Variants in TBC1D31 observed in about 807,000 individuals in gnomAD.
TBC1D31 encodes the protein TBC1 domain family member 31.
A neutral mutation model predicts 132.9 loss-of-function variants in TBC1D31; 99 were observed. The observed-to-expected ratio is 0.74, with a 90% CI of 0.63 to 0.88. The LOEUF is 0.88. Among genes scored for constraint, TBC1D31 ranks in the 40% least tolerant of loss-of-function variants. The pLI is 0.00. For missense variants in TBC1D31, 1,134 were observed against 1,256.6 expected, an observed-to-expected ratio of 0.90 and a Z score of 1.48; for synonymous variants, 385 against 419.4, an observed-to-expected ratio of 0.92 and a Z score of 1.00.
At chr8:123,142,151 G>A in intron 18 of TBC1D31, 111 bp from the exon 19 acceptor site, 2 of 697,916 alleles carry the variant, frequency 2.9e-6, no homozygotes, top group Non-Finnish European at 4.4e-6. Context: ...CTAATATGCA[G>A]CCAGAGTTGT....
intron 20 of TBC1D31, 124 bp from the exon 21 acceptor site, chr8:123,149,912 A>C: frequency 1.7e-6 from 1 of 601,260 alleles, no homozygotes; most frequent in Non-Finnish European, 3.0e-6. Flanking sequence ...ATTCTTCTTA[A>C]AATAGAAAAG....
chr8:123,108,235 C>T (rs1818123991), intron 8 of TBC1D31, among the ~76,000 whole-genome samples: 1 of 152,082 alleles, frequency 6.6e-6, no homozygotes, highest in Non-Finnish European at 1.5e-5. Flanking sequence ...CTCTGATTTT[C>T]CCATTTTTTC....
intron 4 of TBC1D31, 34 bp from the exon 5 acceptor site, chr8:123,093,557 T>A: frequency 6.7e-7 from 1 of 1,502,358 alleles, no homozygotes; most frequent in Non-Finnish European, 9.1e-7. Flanking sequence ...ATGTGAACCT[T>A]ATGTGAAAAC....
chr8:123,093,391 T>C (rs1455114692), intron 4 of TBC1D31, among the ~76,000 whole-genome samples, 200 bp from the exon 5 acceptor site: 1 of 151,350 alleles, frequency 6.6e-6, no homozygotes, highest in Non-Finnish European at 1.5e-5. Context: ...TACCTAGTTT[T>C]CGTTTGAAGG....
At chr8:123,124,312 A>C (rs1563730293) in intron 11 of TBC1D31, among the ~76,000 whole-genome samples, 1 of 152,156 alleles carries the variant, frequency 6.6e-6, no homozygotes, top group South Asian at 2.1e-4. Context: ...CTCTTTTATG[A>C]CCAGACATAA....
chr8:123,115,561 A>T (rs1313491489), intron 10 of TBC1D31, among the ~76,000 whole-genome samples: 2 of 152,202 alleles, frequency 1.3e-5, no homozygotes, highest in African/African-American at 4.8e-5. Flanking sequence ...ATTTATCCTT[A>T]GAGTTTGGTA....
In TBC1D31 at chr8:123,123,938, G is replaced by A. The variant is rs532495672; in HGVS notation, c.1571-2118G>A. On this transcript the variant is annotated intron_variant, in intron 11 of 21. Transcript: ENST00000287380. ...TATAAATTGGCATGGAAATTTAAAA[G>A]CAAGTTTTTGTTAATCCACAGCACA... 4.6e-5 allele frequency among the ~76,000 whole-genome samples: 7 copies of A among 152,144 alleles called. No homozygotes were observed. The East Asian group carries it at 1.4e-3, about 29-fold the overall frequency.
At chr8:123,138,370 A>G (rs1357852841) in intron 17 of TBC1D31, among the ~76,000 whole-genome samples, 1 of 136,016 alleles carries the variant, frequency 7.4e-6, no homozygotes, top group African/African-American at 2.9e-5. Flanking sequence ...ATTGAAAGAT[A>G]TTTTTATTTT....
At chr8:123,121,630 C>T (rs901600971) in intron 11 of TBC1D31, among the ~76,000 whole-genome samples, 7 of 152,186 alleles carry the variant, frequency 4.6e-5, no homozygotes, top group Non-Finnish European at 1.0e-4. Context: ...CAGAGGCCCT[C>T]ACCTCATCTG....
chr8:123,151,398 T>C (rs1822760313), intron 21 of TBC1D31, among the ~76,000 whole-genome samples: 1 of 152,218 alleles, frequency 6.6e-6, no homozygotes, highest in African/African-American at 2.4e-5. Context: ...AAGCATTTGA[T>C]TTACTTATTT....
chr8:123,163,546 G>T, the TBC1D31 span, among the ~76,000 whole-genome samples: 1 of 151,282 alleles, frequency 6.6e-6, no homozygotes, highest in African/African-American at 2.4e-5. Context: ...TGTATTTTTT[G>T]CAGAGACAGA....
At chr8:123,093,507 A>T (rs1586591480) in intron 4 of TBC1D31, 84 bp from the exon 5 acceptor site, 1 of 918,118 alleles carries the variant, frequency 1.1e-6, no homozygotes, top group East Asian at 2.7e-5. Flanking sequence ...TTTAATAAAG[A>T]AAAATAGACT....
At chr8:123,105,505 G>T in intron 8 of TBC1D31, 41 bp downstream of exon 8, 2 of 1,535,614 alleles carry the variant, frequency 1.3e-6, no homozygotes, top group Non-Finnish European at 1.8e-6. Context: ...TGATTCTGCT[G>T]TAGACAAGTC....
At chr8:123,139,984 C>T (rs1165827560) in intron 17 of TBC1D31, among the ~76,000 whole-genome samples, 1 of 152,200 alleles carries the variant, frequency 6.6e-6, no homozygotes, top group Non-Finnish European at 1.5e-5. Context: ...GACAGTTCTC[C>T]AGCAATGGTG....
chr8:123,151,778 T>G (rs184676359), intron 21 of TBC1D31, 28 bp from the exon 22 acceptor site: 5 of 1,543,576 alleles, frequency 3.2e-6, no homozygotes, highest in East Asian at 2.4e-5. Context: ...AAACTCAGCT[T>G]TTCTAAATTT....
rs1374910723 is a variant in TBC1D31, at chr8:123,150,085, C to T, written c.3024C>T (p.Thr1008=). ...NEQDSSCLPR[T]SQLNDSSEMD... ...AGGACTCAAGCTGTTTGCCTAGAAC[C>T]TCACAATTAAATGACTCTTCTGAAA... Residue 1008 remains threonine, a synonymous_variant, in exon 21 of 22, where the codon ACC becomes ACT. Transcript: ENST00000287380. 2 of 1,614,056 alleles carry T rather than the reference C, an allele frequency of 1.2e-6. No individual in the cohort carries two copies. Among genetic ancestry groups the T allele is most frequent in the South Asian group, 2.2e-5 (2 of 91,076 alleles).
intron 21 of TBC1D31, among the ~76,000 whole-genome samples, chr8:123,151,053 A>G (rs957634766): frequency 1.3e-5 from 2 of 152,248 alleles, no homozygotes; most frequent in African/African-American, 4.8e-5. Context: ...ATTCTGTGCC[A>G]GAATATGAAT....
chr8:123,138,016 G>C (rs1438373365), intron 17 of TBC1D31, among the ~76,000 whole-genome samples: 1 of 152,160 alleles, frequency 6.6e-6, no homozygotes, highest in Non-Finnish European at 1.5e-5. Context: ...GACAACTCCA[G>C]TATGCACACG....
At chr8:123,098,904 T>C (rs1316944961) in intron 6 of TBC1D31, among the ~76,000 whole-genome samples, 1 of 152,178 alleles carries the variant, frequency 6.6e-6, no homozygotes, top group Non-Finnish European at 1.5e-5. Context: ...CTTTGTTTCC[T>C]ACAAGCCAAC....
Sources: gnomAD v4.1 joint callset for allele counts (sites outside exome capture counted in the v4.1 genomes callset) on GRCh38, gnomAD v4.1.1 for gene constraint, MANE v1.5 for transcripts, NCBI Gene and HGNC (gene_info 2026-07-23, HGNC 2026-07-21) for gene names.